The following NUBPL variants were observed in gnomAD, a reference collection of about 807,000 sequenced individuals.
NUBPL encodes the protein NUBP iron-sulfur cluster assembly factor, mitochondrial, also known as iron-sulfur cluster transfer protein NUBPL.
A neutral mutation model predicts 45.7 loss-of-function variants in NUBPL; 31 were observed. The observed-to-expected ratio is 0.68, with a 90% CI of 0.51 to 0.92. The LOEUF is 0.92. Ranked by LOEUF, NUBPL falls within the 40% of genes least tolerant of loss-of-function variation. The probability of loss-of-function intolerance (pLI) is 0.00; values close to 1 mark genes in which losing one functional copy is unlikely to be tolerated. For synonymous variants in NUBPL, 144 were observed against 140.9 expected, an observed-to-expected ratio of 1.02 and a Z score of -0.15; for missense variants, 401 against 398.7, an observed-to-expected ratio of 1.01 and a Z score of -0.05.
At chr14:31,832,516 T>C (rs1309234447) in intron 8 of NUBPL, among the ~76,000 whole-genome samples, 1 of 152,126 alleles carries the variant, frequency 6.6e-6, no homozygotes, top group East Asian at 1.9e-4. Flanking sequence ...CTGCCCTTCT[T>C]CTCTTTGAGA....
intron 6 of NUBPL, among the ~76,000 whole-genome samples, chr14:31,731,910 A>G (rs1392885335): frequency 6.6e-6 from 1 of 152,122 alleles, no homozygotes; most frequent in African/African-American, 2.4e-5. Flanking sequence ...TGCTTTGAAA[A>G]GGGAACTGGA....
In NUBPL at chr14:31,581,530, G is replaced by T. The variant is rs546355188; in HGVS notation, c.291+16482G>T. Among the ~76,000 whole-genome samples, 93 of 152,204 alleles carry T rather than the reference G, an allele frequency of 6.1e-4. 1 individual carries two copies. Among genetic ancestry groups the T allele is most frequent in the Non-Finnish European group, 2.1e-4 (14 of 68,012 alleles). ...ATTTCACTTAGCAAATTGTTATCAAGGTTCATCCATGTTGTAGCATATATT... is the reference window on the plus strand; with the variant it reads ...ATTTCACTTAGCAAATTGTTATCAATGTTCATCCATGTTGTAGCATATATT... On this transcript the variant is annotated intron_variant, in intron 3 of 10. Transcript: ENST00000281081.
chr14:31,598,408 CT>C (rs1284707099), intron 3 of NUBPL, among the ~76,000 whole-genome samples: 10 of 151,940 alleles, frequency 6.6e-5, no homozygotes. Flanking sequence ...AGTTGTAAGA[CT>C]TGATGAAACA....
intron 9 of NUBPL, among the ~76,000 whole-genome samples, chr14:31,848,437 A>C (rs1484270981): frequency 1.3e-5 from 2 of 152,148 alleles, no homozygotes; most frequent in Non-Finnish European, 2.9e-5. Context: ...CAGACTCTTA[A>C]TTCAGTGGGT....
At chr14:31,675,231 G>A (rs888791199) in intron 6 of NUBPL, among the ~76,000 whole-genome samples, 1 of 152,144 alleles carries the variant, frequency 6.6e-6, no homozygotes, top group Non-Finnish European at 1.5e-5. Context: ...GATGGGGTAA[G>A]AAAATGGATT....
intron 7 of NUBPL, among the ~76,000 whole-genome samples, chr14:31,811,242 C>T (rs896724581): frequency 1.3e-5 from 2 of 152,210 alleles, no homozygotes; most frequent in African/African-American, 4.8e-5. Flanking sequence ...CTCCCCATCA[C>T]TTTCTAGTAC....
chr14:31,793,162 T>C (rs1049257277), intron 7 of NUBPL, among the ~76,000 whole-genome samples: 15 of 152,270 alleles, frequency 9.9e-5, no homozygotes, highest in African/African-American at 3.4e-4. Flanking sequence ...CCTTGTAATT[T>C]GATCTCTCTC....
At chr14:31,833,685 T>C (rs752886374) in intron 8 of NUBPL, among the ~76,000 whole-genome samples, 4 of 152,168 alleles carry the variant, frequency 2.6e-5, no homozygotes, top group Non-Finnish European at 5.9e-5. Context: ...TTCAGACTGT[T>C]GGAGCCTCTG....
chr14:31,836,660 A>T (rs1237508673), intron 8 of NUBPL, among the ~76,000 whole-genome samples: 1 of 152,188 alleles, frequency 6.6e-6, no homozygotes, highest in Non-Finnish European at 1.5e-5. Context: ...GATTGCTGTT[A>T]AGTGAACTTG....
At chr14:31,772,557 A>G (rs1435485974) in intron 6 of NUBPL, among the ~76,000 whole-genome samples, 2 of 152,216 alleles carry the variant, frequency 1.3e-5, no homozygotes, top group African/African-American at 4.8e-5. Context: ...GGATTTACAT[A>G]GCCATCTGTG....
chr14:31,686,983 A>C (rs2036967805), intron 6 of NUBPL, among the ~76,000 whole-genome samples: 2 of 152,230 alleles, frequency 1.3e-5, no homozygotes, highest in African/African-American at 2.4e-5. Flanking sequence ...GCATGGTTGC[A>C]TGTACCAGTA....
chr14:31,581,193 G>T (rs1029193011), intron 3 of NUBPL, among the ~76,000 whole-genome samples: 28 of 146,984 alleles, frequency 1.9e-4, no homozygotes, highest in Middle Eastern at 3.2e-3. Flanking sequence ...GTGAAGGAAA[G>T]AGATGGTTCT....
chr14:31,650,621 T>A (rs2035977834), intron 4 of NUBPL, among the ~76,000 whole-genome samples: 1 of 152,128 alleles, frequency 6.6e-6, no homozygotes, highest in South Asian at 2.1e-4. Flanking sequence ...AAATACTGTC[T>A]CCATACTTAA....
intron 6 of NUBPL, among the ~76,000 whole-genome samples, chr14:31,674,608 AC>A (rs1161224586): frequency 3.9e-5 from 6 of 152,068 alleles, no homozygotes; most frequent in African/African-American, 1.4e-4. Context: ...GTCTTGATTA[AC>A]CCACCCTCTG....
intron 9 of NUBPL, 69 bp downstream of exon 9, chr14:31,846,660 TA>T (rs2040457637): frequency 1.1e-5 from 17 of 1,595,162 alleles, no homozygotes; most frequent in Non-Finnish European, 1.2e-5. Flanking sequence ...GCTTGATGAT[TA>T]AGAGTGTCTC....
chr14:31,672,270 GAT>G lies in NUBPL; in HGVS notation c.383-1082_383-1081del, dbSNP rs549051498. On this transcript the variant is annotated intron_variant, in intron 4 of 10. Transcript: ENST00000281081. ...ACTCCAGTGTAGGAAGGACTGATTAGATATGTGTGTGTGTGTGTGTGTGTGTG... is the reference window on the plus strand; with the variant it reads ...ACTCCAGTGTAGGAAGGACTGATTAGATGTGTGTGTGTGTGTGTGTGTGTG... 4.8e-3 allele frequency among the ~76,000 whole-genome samples: 322 copies of G among 66,848 alleles called. 2 individuals are homozygous for G. Among genetic ancestry groups the G allele is most frequent in the African/African-American group, 0.016 (250 of 15,912 alleles). 43.9% of individuals were successfully genotyped at this position (66,848 alleles called of 152,430 possible). A position where few individuals can be genotyped will look rare whatever the true frequency, so the allele number is the denominator to read the frequency against.
intron 4 of NUBPL, among the ~76,000 whole-genome samples, chr14:31,640,987 C>G (rs1448049053): frequency 6.6e-6 from 1 of 152,086 alleles, no homozygotes; most frequent in East Asian, 1.9e-4. Context: ...GAGTCCCACT[C>G]TGTCACCAGG....
chr14:31,631,484 C>T (rs915570294), intron 4 of NUBPL, among the ~76,000 whole-genome samples: 2 of 76,892 alleles, frequency 2.6e-5, no homozygotes, highest in African/African-American at 6.5e-5. Flanking sequence ...ACACACACAC[C>T]CCCACCCCAC....
At chr14:31,663,738 A>G (rs1254457576) in intron 4 of NUBPL, among the ~76,000 whole-genome samples, 1 of 152,178 alleles carries the variant, frequency 6.6e-6, no homozygotes, top group Non-Finnish European at 1.5e-5. Context: ...TTTTTGTTCC[A>G]TATGAAATAT....
Sources: allele counts gnomAD v4.1 joint callset (sites outside exome capture counted in the v4.1 genomes callset), GRCh38; gene constraint gnomAD v4.1.1; transcripts MANE v1.5; gene names NCBI Gene and HGNC (gene_info 2026-07-23, HGNC 2026-07-21).